The following PPP6R2 variants were observed in gnomAD, a reference collection of about 807,000 sequenced individuals.
PPP6R2 encodes serine/threonine-protein phosphatase 6 regulatory subunit 2.
Under a neutral mutation model 100.2 loss-of-function variants are expected in PPP6R2, and 62 were observed. The ratio of observed to expected loss-of-function variants is 0.62; its 90% CI spans 0.50 to 0.76. PPP6R2 has a LOEUF of 0.76. Ranked by LOEUF, PPP6R2 falls within the 30% of genes least tolerant of loss-of-function variation. The pLI, the probability that PPP6R2 is intolerant of heterozygous loss-of-function variation, is 0.00. For missense variants in PPP6R2, 1,142 were observed against 1,276.3 expected (o/e 0.89, Z 1.60); for synonymous variants, 525 against 514.7 (o/e 1.02, Z -0.27).
chr22:50,350,184 C>T (rs188324157), intron 1 of PPP6R2, among the ~76,000 whole-genome samples: 4 of 152,240 alleles, frequency 2.6e-5, no homozygotes, highest in Admixed American at 2.6e-4. Context: ...TCTGTTTTAT[C>T]CTGAGATTGC....
the PPP6R2 span, among the ~76,000 whole-genome samples, chr22:50,335,923 G>T: frequency 4.1e-5 from 6 of 146,398 alleles, no homozygotes; most frequent in East Asian, 1.2e-3. Flanking sequence ...TGATCCGCCT[G>T]CCTTGGCCTC....
rs554935921 is a variant in PPP6R2 at position 50,440,960 on chromosome 22, G to A, written c.2513G>A (p.Ser838Asn). ...QKAASAMDAVSRGPGREAPPL... is the reference protein window; with the variant it reads ...QKAASAMDAVNRGPGREAPPL... ...GCAGCGAGTGCCATGGATGCGGTGA[G>A]CAGGGGTCCCGGCCGGGAGGCCCCC... The change falls in exon 22 of 24, where the codon AGC becomes AAC. Residue 838 changes from serine (S) to asparagine (N), a missense_variant. Physicochemically the swap from Ser to Asn is conservative, Grantham distance 46 (BLOSUM62 1). Around this residue, in one of 2 missense-constraint regions of PPP6R2, gnomAD observed 550 missense variants for 517.4 expected, o/e 1.06. Coordinates refer to ENST00000612753, the MANE Select transcript of PPP6R2 (RefSeq NM_001242898.2). 6.2e-7 allele frequency: 1 copy of A among 1,612,856 alleles called. No individual in the cohort carries two copies. Among genetic ancestry groups the A allele is most frequent in the South Asian group, 1.1e-5 (1 of 91,076 alleles).
At chr22:50,443,580 C>T in intron 22 of PPP6R2, 1 of 495,958 alleles carries the variant, frequency 2.0e-6, no homozygotes, top group South Asian at 3.0e-5. Flanking sequence ...GCTCTGGGGT[C>T]CTTGAAGAAT....
chr22:50,395,526 G>A (rs552787658), intron 3 of PPP6R2, among the ~76,000 whole-genome samples: 6 of 152,206 alleles, frequency 3.9e-5, no homozygotes, highest in South Asian at 2.1e-4. Flanking sequence ...GTCCTTTTCC[G>A]TGTGTCCTGT....
intron 1 of PPP6R2, among the ~76,000 whole-genome samples, chr22:50,370,943 A>C (rs901298993): frequency 6.6e-6 from 1 of 152,200 alleles, no homozygotes. Context: ...CAAATGTAGG[A>C]CCTATTTCTA....
intron 10 of PPP6R2, among the ~76,000 whole-genome samples, chr22:50,430,511 C>T (rs1250140970): frequency 6.6e-6 from 1 of 152,138 alleles, no homozygotes; most frequent in African/African-American, 2.4e-5. Context: ...TGATTGTATA[C>T]AGGGAAATGT....
chr22:50,372,172 A>G (rs1018857614), intron 2 of PPP6R2, 22 bp downstream of exon 2: 2 of 152,214 alleles, frequency 1.3e-5, no homozygotes, highest in African/African-American at 2.4e-5. Context: ...TTCTTTTTCA[A>G]TTTGATTCTG....
chr22:50,417,735 G>T (rs978794879), intron 6 of PPP6R2, among the ~76,000 whole-genome samples: 2 of 152,176 alleles, frequency 1.3e-5, no homozygotes, highest in Non-Finnish European at 2.9e-5. Flanking sequence ...CAAGGAGGCC[G>T]CCCTGCCTGA....
At chr22:50,339,875 TGTG>T (rs547568359), upstream of PPP6R2, among the ~76,000 whole-genome samples, 178 of 123,576 alleles carry the variant, frequency 1.4e-3, no homozygotes, top group East Asian at 8.3e-3. Context: ...GTGTGTGTGG[TGTG>T]GTGTGTGTGT....
Position 50,427,386 on chromosome 22 carries a change from G to A in PPP6R2, c.1125+3772G>A, listed in dbSNP as rs577261270. 7.2e-5 allele frequency among the ~76,000 whole-genome samples: 11 copies of A among 152,262 alleles called. No homozygotes were observed. The South Asian group carries it at 1.7e-3, about 23-fold the overall frequency. ...TGTTTTGGCTATTCAAAGTCATCCC[G>A]TGAGATTCTGTATGAATTTGGGGAT... On this transcript the variant is annotated intron_variant, in intron 10 of 23. Coordinates refer to ENST00000612753, the MANE Select transcript of PPP6R2 (RefSeq NM_001242898.2).
chr22:50,386,392 C>T (rs1035714646), intron 2 of PPP6R2, among the ~76,000 whole-genome samples: 2 of 152,082 alleles, frequency 1.3e-5, no homozygotes, highest in East Asian at 1.9e-4. Context: ...CCACCTGCCT[C>T]GACCACCCAA....
rs775788512 is a variant in PPP6R2 at position 50,444,016 on chromosome 22, A to G, written c.2730A>G (p.Ala910=). 4 of 1,613,492 alleles carry G rather than the reference A, an allele frequency of 2.5e-6. No homozygotes were observed. The highest frequency in any genetic ancestry group is 1.7e-6 in the Non-Finnish European group (2 of 1,179,974). Residue 910 remains alanine (A), a synonymous_variant, in exon 23 of 24, where the codon GCA becomes GCG. Coordinates refer to ENST00000612753, the MANE Select transcript of PPP6R2 (RefSeq NM_001242898.2). The part of the protein sequence containing the change: ...SKAGPAIPTP[A]VSSALAVAVP... ...CTGGCCCCGCCATACCCACCCCAGCAGTCTCTTCTGCACTGGCCGTGGCGG... is the reference window on the plus strand; with the variant it reads ...CTGGCCCCGCCATACCCACCCCAGCGGTCTCTTCTGCACTGGCCGTGGCGG...
intron 2 of PPP6R2, among the ~76,000 whole-genome samples, chr22:50,381,115 A>T (rs971130127): frequency 1.1e-4 from 7 of 65,352 alleles, no homozygotes; most frequent in African/African-American, 5.9e-4. Flanking sequence ...ACTTTGTCTC[A>T]AAAAAAAAAA....
chr22:50,368,802 C>T (rs894768540), intron 1 of PPP6R2, among the ~76,000 whole-genome samples: 13 of 151,818 alleles, frequency 8.6e-5, no homozygotes, highest in South Asian at 2.1e-4. Context: ...GGACTGCAGG[C>T]GTGCACCACC....
chr22:50,424,049 A>T (rs964284337), intron 10 of PPP6R2, among the ~76,000 whole-genome samples: 1 of 152,240 alleles, frequency 6.6e-6, no homozygotes, highest in East Asian at 1.9e-4. Flanking sequence ...GTGCCTCTCC[A>T]TCCCGCAGAC....
chr22:50,406,840 A>T lies in PPP6R2; in HGVS notation c.379A>T (p.Thr127Ser). The change falls in exon 4 of 24, where the codon ACC (threonine) becomes TCC (serine). Residue 127 changes from threonine to serine, a missense_variant. Thr to Ser is a moderately conservative substitution (Grantham distance 58). Coordinates refer to ENST00000612753, the MANE Select transcript of PPP6R2 (RefSeq NM_001242898.2). ...TCTGCTCGCCAGTTTTTTCAGCAAG[A>T]CCATTGGCAATCTCATTGCAAGAAA... ...NPLLASFFSK[T>S]IGNLIARKTE... 6.2e-7 allele frequency: 1 copy of T among 1,614,076 alleles called. No homozygotes were observed. The highest frequency in any genetic ancestry group is 8.5e-7 in the Non-Finnish European group (1 of 1,179,982).
chr22:50,340,739 G>A (rs2042363137), upstream of PPP6R2, among the ~76,000 whole-genome samples: 1 of 151,810 alleles, frequency 6.6e-6, no homozygotes, highest in Admixed American at 6.6e-5. Context: ...GGGGATGCAG[G>A]GACAGCAGCA....
chr22:50,434,548 A>G, intron 12 of PPP6R2, among the ~76,000 whole-genome samples: 1 of 91,472 alleles, frequency 1.1e-5, no homozygotes, highest in South Asian at 4.3e-4. Flanking sequence ...GACGCTGGGC[A>G]GGGGCCGGGC....
chr22:50,336,369 T>C, the PPP6R2 span, among the ~76,000 whole-genome samples: 1 of 151,936 alleles, frequency 6.6e-6, no homozygotes, highest in Non-Finnish European at 1.5e-5. Flanking sequence ...ATCAGCAGGG[T>C]CATTATTTTA....
Sources: gnomAD v4.1 joint callset for allele counts (sites outside exome capture counted in the v4.1 genomes callset) on GRCh38, gnomAD v4.1.1 for gene constraint, gnomAD v4.1.1 regional missense constraint, MANE v1.5 for transcripts, NCBI Gene and HGNC (gene_info 2026-07-23, HGNC 2026-07-21) for gene names.